Variants in ERAP1 observed in about 807,000 individuals in gnomAD.
The protein encoded by ERAP1 is endoplasmic reticulum aminopeptidase 1, also known as adipocyte-derived leucine aminopeptidase.
ERAP1 carries 86 observed loss-of-function variants against 103.7 expected under a neutral mutation model. That is an observed-to-expected ratio of 0.83 (90% CI 0.70 to 0.99). The LOEUF is 0.99. Among genes scored for constraint, ERAP1 ranks in the 50% least tolerant of loss-of-function variants. The probability of loss-of-function intolerance (pLI) is 0.00; values close to 1 mark genes in which losing one functional copy is unlikely to be tolerated. For missense variants in ERAP1, 1,009 were observed against 1,128.4 expected, an observed-to-expected ratio of 0.89 and a Z score of 1.52; for synonymous variants, 398 against 402.4, an observed-to-expected ratio of 0.99 and a Z score of 0.13.
upstream of ERAP1, among the ~76,000 whole-genome samples, chr5:96,810,432 G>C (rs781675956): frequency 5.9e-5 from 9 of 152,218 alleles, no homozygotes; most frequent in Non-Finnish European, 1.3e-4. Flanking sequence ...TTTATAATTT[G>C]ATCTCTTCAG....
chr5:96,907,893 AAAT>A, the ERAP1 span, among the ~76,000 whole-genome samples: 1 of 135,864 alleles, frequency 7.4e-6, no homozygotes, highest in African/African-American at 2.7e-5. Context: ...CAAAAAAAAA[AAAT>A]ATATATATAT....
the ERAP1 span, among the ~76,000 whole-genome samples, chr5:96,834,559 G>C: frequency 0.12 from 17,518 of 152,204 alleles, 1,295 homozygotes; most frequent in Middle Eastern, 0.24. Flanking sequence ...AACTTATACT[G>C]AGACAAAACT....
the ERAP1 span, chr5:96,892,245 C>A: frequency 6.3e-7 from 1 of 1,584,386 alleles, no homozygotes; most frequent in African/African-American, 1.3e-5. Context: ...AGAGCAAATT[C>A]TATTTCTGGT....
At chr5:96,862,156 T>A in the ERAP1 span, among the ~76,000 whole-genome samples, 2 of 152,142 alleles carry the variant, frequency 1.3e-5, no homozygotes, top group African/African-American at 4.8e-5. Context: ...AGTTTTATTT[T>A]TTTCTTTTTA....
chr5:96,824,497 G>C, the ERAP1 span, among the ~76,000 whole-genome samples: 3 of 152,098 alleles, frequency 2.0e-5, no homozygotes, highest in African/African-American at 7.2e-5. Flanking sequence ...TCTAATCCCT[G>C]TCCATCCTTC....
the ERAP1 span, among the ~76,000 whole-genome samples, chr5:96,911,909 G>T: frequency 7.0e-6 from 1 of 142,230 alleles, no homozygotes; most frequent in Admixed American, 7.1e-5. Flanking sequence ...GAAAAAAATG[G>T]CCGGGCGCGG....
intron 18 of ERAP1, chr5:96,777,091 T>C (rs995992353): frequency 1.3e-5 from 2 of 152,860 alleles, no homozygotes; most frequent in East Asian, 1.9e-4. Flanking sequence ...AATTCATGTA[T>C]TGTTGTCTCA....
At chr5:96,833,730 G>A in the ERAP1 span, among the ~76,000 whole-genome samples, 1 of 151,590 alleles carries the variant, frequency 6.6e-6, no homozygotes, top group Non-Finnish European at 1.5e-5. Flanking sequence ...CCCGGGAGGC[G>A]GAGGTTGCAG....
intron 19 of ERAP1, chr5:96,768,275 G>C (rs1455194455): frequency 1.7e-5 from 7 of 424,016 alleles, no homozygotes; most frequent in Non-Finnish European, 4.4e-6. Context: ...TGTAGAGAGG[G>C]GGTTTCGCCA....
At chr5:96,889,554 T>C in the ERAP1 span, 1 of 681,912 alleles carries the variant, frequency 1.5e-6, no homozygotes, top group Non-Finnish European at 2.6e-6. Context: ...CATCGAACTC[T>C]TTCCCAGGCT....
chr5:96,762,301 G>A, exon 20 of ERAP1: 1 of 1,607,652 alleles, frequency 6.2e-7, no homozygotes, highest in Non-Finnish European at 8.5e-7. Context: ...ACTTGCTGCT[G>A]CCATCTCTGA....
chr5:96,766,064 A>C (rs1561617833), intron 19 of ERAP1: 3 of 1,600,216 alleles, frequency 1.9e-6, no homozygotes, highest in Non-Finnish European at 2.6e-6. Flanking sequence ...AAAAAGCTAA[A>C]GCTGAACATA....
the ERAP1 span, among the ~76,000 whole-genome samples, chr5:96,893,370 G>A: frequency 1.3e-5 from 2 of 152,106 alleles, no homozygotes; most frequent in African/African-American, 2.4e-5. Context: ...CCACAATAAT[G>A]AGCTGTTGTT....
At chr5:96,836,120 C>G in the ERAP1 span, among the ~76,000 whole-genome samples, 22 of 150,092 alleles carry the variant, frequency 1.5e-4, no homozygotes, top group Non-Finnish European at 3.0e-4. Flanking sequence ...AAAATGAATG[C>G]CTTCAATGAC....
rs186627243 is a variant in ERAP1, at chr5:96,774,610, C to T, written c.*1786G>A. The T allele has an allele frequency of 2.8e-3, 2,789 of 985,348 alleles. 5 individuals are homozygous for T. Among genetic ancestry groups the T allele is most frequent in the Non-Finnish European group, 3.0e-3 (2,475 of 829,794 alleles). The allele number at this position is 985,348 out of a possible 1,614,324, so 61.0% of individuals were successfully genotyped here. On this transcript the variant is annotated 3_prime_UTR_variant, in exon 19 of 19. Transcript: ENST00000443439. ...AGATAGGTTCCTCAGGTGACCAAAACTGAAAATCAATATTTCCATGTTTCA... is the reference window on the plus strand; with the variant it reads ...AGATAGGTTCCTCAGGTGACCAAAATTGAAAATCAATATTTCCATGTTTCA...
At chr5:96,824,471 A>G in the ERAP1 span, among the ~76,000 whole-genome samples, 1 of 152,154 alleles carries the variant, frequency 6.6e-6, no homozygotes, top group Non-Finnish European at 1.5e-5. Context: ...CCTGAGGTCT[A>G]TACATCCCTA....
At chr5:96,904,535 A>G in the ERAP1 span, among the ~76,000 whole-genome samples, 2 of 152,214 alleles carry the variant, frequency 1.3e-5, no homozygotes, top group South Asian at 4.1e-4. Flanking sequence ...TCTCAGGAAC[A>G]TCTTGGAGGC....
At chr5:96,777,355 C>T (rs1443297192) in intron 18 of ERAP1, among the ~76,000 whole-genome samples, 4 of 152,012 alleles carry the variant, frequency 2.6e-5, no homozygotes, top group Admixed American at 2.0e-4. Context: ...ATTCAGGAAG[C>T]GAATGTAGAC....
chr5:96,918,460 C>G, the ERAP1 span: 1 of 152,116 alleles, frequency 6.6e-6, no homozygotes, highest in African/African-American at 2.4e-5. Context: ...ATCAAGAAGG[C>G]CAGGAAGGCC....
Sources: allele counts gnomAD v4.1 joint callset (sites outside exome capture counted in the v4.1 genomes callset), GRCh38; gene constraint gnomAD v4.1.1; transcripts MANE v1.5; gene names NCBI Gene and HGNC (gene_info 2026-07-23, HGNC 2026-07-21).